The following BPGM variants were observed in gnomAD, a reference collection of about 807,000 sequenced individuals.
BPGM encodes the protein bisphosphoglycerate mutase, also known as 2,3-bisphosphoglycerate mutase, erythrocyte.
A neutral mutation model predicts 21.6 loss-of-function variants in BPGM; 15 were observed. The observed-to-expected ratio is 0.70, with a 90% CI of 0.47 to 1.07. The LOEUF (loss-of-function observed/expected upper bound fraction) is 1.07. BPGM is among the 50% of genes least tolerant of loss of function. BPGM has a pLI of 0.00. For synonymous variants in BPGM, 113 were observed against 116.2 expected (o/e 0.97, Z 0.18); for missense variants, 273 against 319.0 (o/e 0.86, Z 1.10).
chr7:134,656,920 C>T (rs144974957), intron 1 of BPGM, among the ~76,000 whole-genome samples: 2 of 152,302 alleles, frequency 1.3e-5, no homozygotes, highest in East Asian at 3.9e-4. Flanking sequence ...TGCCTATGAG[C>T]CTAGAAAATT....
At chr7:134,664,013 A>G (rs138986978) in intron 2 of BPGM, among the ~76,000 whole-genome samples, 96 of 152,328 alleles carry the variant, frequency 6.3e-4, no homozygotes, top group Admixed American at 1.9e-3. Flanking sequence ...TAGACATAGC[A>G]AAACTTACTT....
intron 2 of BPGM, among the ~76,000 whole-genome samples, chr7:134,671,937 C>G (rs1172721850): frequency 6.6e-6 from 1 of 152,168 alleles, no homozygotes; most frequent in Non-Finnish European, 1.5e-5. Flanking sequence ...TGAGCATTTG[C>G]ACAAGCACCT....
chr7:134,667,598 C>G (rs1207080350), intron 2 of BPGM, among the ~76,000 whole-genome samples: 1 of 152,184 alleles, frequency 6.6e-6, no homozygotes, highest in East Asian at 1.9e-4. Flanking sequence ...AGAATTGAAT[C>G]TAGAAATGGG....
chr7:134,656,033 G>A (rs1265770077), intron 1 of BPGM, among the ~76,000 whole-genome samples: 2 of 152,108 alleles, frequency 1.3e-5, no homozygotes, highest in East Asian at 3.9e-4. Flanking sequence ...CTAAAGCCAG[G>A]GGTTCTCAAA....
At chr7:134,650,749 T>C (rs1394380587) in intron 1 of BPGM, among the ~76,000 whole-genome samples, 4 of 152,166 alleles carry the variant, frequency 2.6e-5, no homozygotes, top group Non-Finnish European at 5.9e-5. Flanking sequence ...GGTGAAACCC[T>C]GTCTCTACTA....
At chr7:134,671,320 A>G (rs1795900386) in intron 2 of BPGM, among the ~76,000 whole-genome samples, 1 of 150,998 alleles carries the variant, frequency 6.6e-6, no homozygotes, top group African/African-American at 2.4e-5. Context: ...GTGTTTTCAT[A>G]TATAGGCTTT....
chr7:134,664,170 C>A (rs1795778867), intron 2 of BPGM, among the ~76,000 whole-genome samples: 1 of 152,162 alleles, frequency 6.6e-6, no homozygotes, highest in Non-Finnish European at 1.5e-5. Flanking sequence ...CCCACGCCTA[C>A]CCATATAGCT....
chr7:134,655,378 C>G (rs1300034372), intron 1 of BPGM, among the ~76,000 whole-genome samples: 6 of 152,038 alleles, frequency 3.9e-5, no homozygotes, highest in African/African-American at 7.3e-5. Flanking sequence ...TTTGGAAGGA[C>G]AAGTTGGAAC....
intron 1 of BPGM, among the ~76,000 whole-genome samples, chr7:134,654,823 G>A (rs1056638314): frequency 6.6e-6 from 1 of 152,086 alleles, no homozygotes; most frequent in African/African-American, 2.4e-5. Context: ...AGTCTTTTGA[G>A]GCACCATTTC....
intron 2 of BPGM, among the ~76,000 whole-genome samples, chr7:134,670,987 T>G (rs1248573703): frequency 6.6e-6 from 1 of 152,232 alleles, no homozygotes; most frequent in East Asian, 1.9e-4. Context: ...TTGAATTGTT[T>G]ATTTTATTGG....
chr7:134,677,280 C>G (rs773679843), intron 2 of BPGM, among the ~76,000 whole-genome samples: 1 of 151,900 alleles, frequency 6.6e-6, no homozygotes, highest in Non-Finnish European at 1.5e-5. Context: ...TTTTAATTGA[C>G]AGGAGAATTG....
Position 134,679,033 on chromosome 7 carries a change from C to A in BPGM, c.*2C>A, listed in dbSNP as rs1422042996. 2 of 1,613,926 alleles carry A rather than the reference C, an allele frequency of 1.2e-6. No homozygotes were observed. Among genetic ancestry groups the A allele is most frequent in the South Asian group, 1.1e-5 (1 of 91,082 alleles). On this transcript the variant is annotated 3_prime_UTR_variant, in exon 3 of 3. Coordinates refer to ENST00000344924, the MANE Select transcript of BPGM (RefSeq NM_001724.5). ...AAAGTGAAACAAGCTAAAAAATAGT[C>A]TTTCTCAACTGTTGGCTAAGAAGAA...
Position 134,679,446 on chromosome 7 carries a change from A to C in BPGM, c.*415A>C. The C allele has an allele frequency of 5.3e-6, 1 of 189,194 alleles. No individual in the cohort carries two copies. The allele number at this position is 189,194 out of a possible 1,614,324, so 11.7% of individuals were successfully genotyped here. On this transcript the variant is annotated 3_prime_UTR_variant, in exon 3 of 3. Transcript: ENST00000344924. The stretch of plus-strand genomic sequence containing the variant: ...AGATTTTCTGGGATAACAGTAAGGG[A>C]TATTAGATAATATACCGTATGTATT...
chr7:134,668,020 A>T (rs1795845829), intron 2 of BPGM, among the ~76,000 whole-genome samples: 1 of 152,190 alleles, frequency 6.6e-6, no homozygotes, highest in African/African-American at 2.4e-5. Context: ...AGAGTATGCT[A>T]GTATTACTCA....
chr7:134,649,917 C>T (rs1239135370), intron 1 of BPGM, among the ~76,000 whole-genome samples: 1 of 152,202 alleles, frequency 6.6e-6, no homozygotes, highest in African/African-American at 2.4e-5. Flanking sequence ...GGCCTGAGAT[C>T]TGTGCCATTA....
intron 1 of BPGM, among the ~76,000 whole-genome samples, chr7:134,648,873 C>T (rs1470271761): frequency 6.6e-6 from 1 of 152,118 alleles, no homozygotes; most frequent in East Asian, 1.9e-4. Context: ...TATTTAAAGT[C>T]TGTTTTAAAG....
chr7:134,673,142 C>A (rs1023000964), intron 2 of BPGM, among the ~76,000 whole-genome samples: 10 of 151,960 alleles, frequency 6.6e-5, no homozygotes, highest in Admixed American at 5.2e-4. Context: ...CCACTGCACT[C>A]CAGCCTGGGC....
intron 1 of BPGM, among the ~76,000 whole-genome samples, chr7:134,658,080 A>G (rs1284321356): frequency 6.6e-6 from 1 of 152,142 alleles, no homozygotes; most frequent in Non-Finnish European, 1.5e-5. Flanking sequence ...TAAATCAGAT[A>G]TCAGATAAAA....
rs1007504207 is a variant in BPGM, at chr7:134,661,389, T to G, written c.-61-58T>G. The stretch of plus-strand genomic sequence containing the variant: ...GAAATTGGGTGTTGTAAAGCGATGT[T>G]TCTATTCCTAGATTGTCAGTTGAAT... On this transcript the variant is annotated intron_variant, in intron 1 of 2. Coordinates refer to ENST00000344924, the MANE Select transcript of BPGM (RefSeq NM_001724.5). The surrounding 1 kb of genome is among the most constrained non-coding windows in gnomAD (Gnocchi z 4.6). 6.1e-6 allele frequency: 9 copies of G among 1,464,688 alleles called. No individual in the cohort carries two copies. The African/African-American group carries it at 9.8e-5, about 16-fold the overall frequency. The allele number at this position is 1,464,688 out of a possible 1,614,324, so 90.7% of individuals were successfully genotyped here.
Sources: allele counts gnomAD v4.1 joint callset (sites outside exome capture counted in the v4.1 genomes callset), GRCh38; gene constraint gnomAD v4.1.1; non-coding constraint Gnocchi (gnomAD v3.1); transcripts MANE v1.5; gene names NCBI Gene and HGNC (gene_info 2026-07-23, HGNC 2026-07-21).